The following CDYL variants were observed in gnomAD, a reference collection of about 807,000 sequenced individuals.
CDYL encodes chromodomain Y like.
Under a neutral mutation model 47.3 loss-of-function variants are expected in CDYL, and 8 were observed. That is an observed-to-expected ratio of 0.17 (90% CI 0.10 to 0.31). The LOEUF is 0.31. Among genes scored for constraint, CDYL ranks in the 10% least tolerant of loss-of-function variants. CDYL has a pLI of 1.00. For synonymous variants in CDYL, 266 were observed against 265.0 expected (o/e 1.00, Z -0.04); for missense variants, 471 against 701.4 (o/e 0.67, Z 3.71).
intron 4 of CDYL, among the ~76,000 whole-genome samples, chr6:4,942,149 C>T (rs1361560791): frequency 2.6e-5 from 4 of 152,184 alleles, no homozygotes; most frequent in Non-Finnish European, 5.9e-5. Context: ...CTCAGGCTCT[C>T]TCATTTAGAA....
intron 1 of CDYL, among the ~76,000 whole-genome samples, chr6:4,790,442 C>G (rs1176275287): frequency 6.6e-6 from 1 of 152,176 alleles, no homozygotes; most frequent in Non-Finnish European, 1.5e-5. Flanking sequence ...TTAACAACAA[C>G]AAACTCATTT....
At chr6:4,890,308 G>A (rs1034026434) in intron 1 of CDYL, among the ~76,000 whole-genome samples, 1 of 152,134 alleles carries the variant, frequency 6.6e-6, no homozygotes, top group Non-Finnish European at 1.5e-5. Flanking sequence ...CTATTCACAA[G>A]TGAAGGAGCA....
intron 1 of CDYL, among the ~76,000 whole-genome samples, chr6:4,810,107 A>G (rs953355561): frequency 5.3e-5 from 8 of 151,946 alleles, no homozygotes; most frequent in Admixed American, 1.3e-4. Context: ...TTTGACTTTG[A>G]TCTTGGTGTA....
chr6:4,898,258 A>G (rs1581247481), intron 2 of CDYL, among the ~76,000 whole-genome samples: 1 of 152,162 alleles, frequency 6.6e-6, no homozygotes, highest in African/African-American at 2.4e-5. Context: ...CAGTGCCCAG[A>G]CCAGCGCCCA....
chr6:4,863,459 TA>T (rs1396637444), intron 1 of CDYL, among the ~76,000 whole-genome samples: 2 of 152,162 alleles, frequency 1.3e-5, no homozygotes, highest in African/African-American at 2.4e-5. Context: ...CTTTTGGAAT[TA>T]AAAAAAGGTC....
chr6:4,748,585 G>T (rs913449316), intron 3 of CDYL, among the ~76,000 whole-genome samples: 3 of 151,718 alleles, frequency 2.0e-5, no homozygotes, highest in African/African-American at 7.3e-5. Context: ...GGGGGTAGGG[G>T]TAGGAGCGTG....
intron 1 of CDYL, among the ~76,000 whole-genome samples, chr6:4,839,207 ATTTGTATATCTTCT>A (rs1359047895): frequency 6.6e-6 from 1 of 151,966 alleles, no homozygotes; most frequent in African/African-American, 2.4e-5. Context: ...TTTGTTGGCC[ATTTGTATATCTTCT>A]TTTGAGAATT....
At chr6:4,750,784 C>T (rs73358686) in intron 3 of CDYL, among the ~76,000 whole-genome samples, 24 of 151,786 alleles carry the variant, frequency 1.6e-4, no homozygotes, top group African/African-American at 4.8e-4. Flanking sequence ...AAAAAAATCA[C>T]GCGTGTCTTT....
At chr6:4,827,097 C>T (rs896686330) in intron 1 of CDYL, among the ~76,000 whole-genome samples, 4 of 152,136 alleles carry the variant, frequency 2.6e-5, no homozygotes, top group African/African-American at 9.7e-5. Context: ...TCTGTTTTGT[C>T]TGATATTAGT....
rs142455339 is a variant in CDYL at position 4,917,766 on chromosome 6, CATG to C, written c.692-17741_692-17739del. Among the ~76,000 whole-genome samples the C allele has an allele frequency of 9.1e-3, 1,383 of 152,230 alleles. 27 individuals carry two copies. The highest frequency in any genetic ancestry group is 0.032 in the African/African-American group (1,330 of 41,528). ...ATTGCAGGGAGAAGGTTGAAGTAGA[CATG>C]ATGATGAATATCAGCAAACACCTTG... On this transcript the variant is annotated intron_variant, in intron 2 of 6. Coordinates refer to ENST00000397588, the MANE Select transcript of CDYL (RefSeq NM_004824.4).
intron 1 of CDYL, among the ~76,000 whole-genome samples, chr6:4,780,006 T>C (rs1758568146): frequency 6.6e-6 from 1 of 152,194 alleles, no homozygotes; most frequent in Non-Finnish European, 1.5e-5. Flanking sequence ...AACTTGTAGG[T>C]TCCACAAAAA....
chr6:4,787,551 G>A (rs749424657), intron 1 of CDYL, among the ~76,000 whole-genome samples: 13 of 152,228 alleles, frequency 8.5e-5, no homozygotes, highest in South Asian at 8.3e-4. Flanking sequence ...GTGGAAGTGC[G>A]TGCTCATACC....
At chr6:4,775,005 A>G (rs1407724282), upstream of CDYL, among the ~76,000 whole-genome samples, 1 of 152,128 alleles carries the variant, frequency 6.6e-6, no homozygotes, top group Non-Finnish European at 1.5e-5. The surrounding 1 kb of genome is among the most constrained non-coding windows in gnomAD (Gnocchi z 7.0). Context: ...AGGACAGGAA[A>G]CCGCGGGGTC....
At chr6:4,781,926 G>C (rs768221435) in intron 1 of CDYL, among the ~76,000 whole-genome samples, 7 of 152,126 alleles carry the variant, frequency 4.6e-5, no homozygotes, top group Non-Finnish European at 1.0e-4. Context: ...CCCAAACCAC[G>C]AGATTATAAT....
intron 1 of CDYL, among the ~76,000 whole-genome samples, chr6:4,843,809 T>C (rs1760574844): frequency 6.6e-6 from 1 of 152,232 alleles, no homozygotes; most frequent in Non-Finnish European, 1.5e-5. Context: ...ATCGACCTGC[T>C]GAATTCTTTT....
chr6:4,712,393 G>A (rs1757167062), intron 1 of CDYL, among the ~76,000 whole-genome samples: 1 of 152,228 alleles, frequency 6.6e-6, no homozygotes, highest in Non-Finnish European at 1.5e-5. Flanking sequence ...GTCCCCAACT[G>A]AAGGTAGAAA....
chr6:4,751,932 G>A (rs1201288022), intron 3 of CDYL, among the ~76,000 whole-genome samples: 5 of 152,286 alleles, frequency 3.3e-5, no homozygotes, highest in African/African-American at 4.8e-5. Context: ...CTCTGGGCCC[G>A]GCATGAATTT....
At chr6:4,767,374 A>G (rs1758271733) in intron 3 of CDYL, among the ~76,000 whole-genome samples, 1 of 152,168 alleles carries the variant, frequency 6.6e-6, no homozygotes, top group East Asian at 1.9e-4. Flanking sequence ...GGAGTTTGAG[A>G]CCAGCCTGCC....
intron 2 of CDYL, among the ~76,000 whole-genome samples, chr6:4,717,740 A>T (rs10604411): frequency 0.36 from 42,297 of 118,540 alleles, 8,135 homozygotes; most frequent in East Asian, 0.43. Flanking sequence ...AAAAAAAAAA[A>T]TTAAAAATTG....
Sources: allele counts gnomAD v4.1 joint callset (sites outside exome capture counted in the v4.1 genomes callset), GRCh38; gene constraint gnomAD v4.1.1; non-coding constraint Gnocchi (gnomAD v3.1); transcripts MANE v1.5; gene names NCBI Gene and HGNC (gene_info 2026-07-23, HGNC 2026-07-21).